Variants in PSD3 observed in about 807,000 individuals in gnomAD.
The protein encoded by PSD3 is PH and SEC7 domain-containing protein 3.
A neutral mutation model predicts 105.5 loss-of-function variants in PSD3; 49 were observed. That is an observed-to-expected ratio of 0.46 (90% CI 0.37 to 0.59). The LOEUF is 0.59. Ranked by LOEUF, PSD3 falls within the 20% of genes least tolerant of loss-of-function variation. The pLI is 0.00. For missense variants in PSD3, 1,561 were observed against 1,263.8 expected, an observed-to-expected ratio of 1.24 and a Z score of -3.57; for synonymous variants, 557 against 457.8, an observed-to-expected ratio of 1.22 and a Z score of -2.77.
intron 1 of PSD3, among the ~76,000 whole-genome samples, chr8:18,940,665 C>G (rs1822476508): frequency 6.6e-6 from 1 of 152,198 alleles, no homozygotes; most frequent in Admixed American, 6.5e-5. Flanking sequence ...GGGAATGCCT[C>G]TGAGATTTCC....
At chr8:18,865,205 C>G (rs1185977004) in intron 4 of PSD3, 3 of 117,174 alleles carry the variant, frequency 2.6e-5, no homozygotes, top group Middle Eastern at 6.0e-3. Context: ...TCCCACCAAA[C>G]TGGAATACAG....
At chr8:18,824,730 C>G (rs1027780307) in intron 4 of PSD3, among the ~76,000 whole-genome samples, 4 of 152,050 alleles carry the variant, frequency 2.6e-5, no homozygotes, top group Non-Finnish European at 5.9e-5. Context: ...TGAATAAGAA[C>G]AGAGATCAAG....
intron 12 of PSD3, among the ~76,000 whole-genome samples, chr8:18,585,665 A>G (rs1803126856): frequency 6.6e-6 from 1 of 152,176 alleles, no homozygotes; most frequent in Non-Finnish European, 1.5e-5. Context: ...TCAAGAAAGG[A>G]CTAAAAGAAA....
At chr8:18,941,513 A>G (rs548902194) in intron 1 of PSD3, among the ~76,000 whole-genome samples, 4 of 152,292 alleles carry the variant, frequency 2.6e-5, no homozygotes, top group African/African-American at 9.6e-5. Flanking sequence ...CAAGCCCACC[A>G]TTAAATGGAT....
intron 1 of PSD3, among the ~76,000 whole-genome samples, chr8:18,978,499 G>T (rs914194623): frequency 6.6e-6 from 1 of 152,128 alleles, no homozygotes; most frequent in Non-Finnish European, 1.5e-5. Flanking sequence ...TCTAAAACAT[G>T]CACCTTTCAA....
intron 9 of PSD3, among the ~76,000 whole-genome samples, chr8:18,751,272 G>A (rs1805468151): frequency 6.6e-6 from 1 of 152,224 alleles, no homozygotes; most frequent in Non-Finnish European, 1.5e-5. Flanking sequence ...ACCCTCCGCA[G>A]CCGCTGGCCC....
rs747164950 is a variant in PSD3 at position 18,575,160 on chromosome 8, A to G, written c.2607T>C (p.Thr869=). Reference sequence around the variant, plus strand: ...GAAAAAGCAAGACCCTCCAGTCGGCAGTTTTAAGTTTAAACACGTTTGGTT... The same window carrying G: ...GAAAAAGCAAGACCCTCCAGTCGGCGGTTTTAAGTTTAAACACGTTTGGTT... ...EKKPNVFKLK[T]ADWRVLLFQT... Residue 869 remains threonine, a synonymous_variant, in exon 13 of 16, where the codon ACT becomes ACC. Coordinates refer to ENST00000327040, the MANE Select transcript of PSD3 (RefSeq NM_015310.4). The G allele has an allele frequency of 6.2e-7, 1 of 1,613,606 alleles. No homozygotes were observed. Among genetic ancestry groups the G allele is most frequent in the Non-Finnish European group, 8.5e-7 (1 of 1,179,804 alleles).
chr8:18,786,366 G>A (rs1266883932), intron 8 of PSD3, among the ~76,000 whole-genome samples: 1 of 152,168 alleles, frequency 6.6e-6, no homozygotes, highest in Non-Finnish European at 1.5e-5. Context: ...CATCATTTAA[G>A]TAATAATTGT....
chr8:18,911,105 C>T (rs558194108), intron 2 of PSD3, among the ~76,000 whole-genome samples: 1 of 152,140 alleles, frequency 6.6e-6, no homozygotes, highest in African/African-American at 2.4e-5. Flanking sequence ...GAGGCCATGT[C>T]AATCAATCAG....
chr8:18,783,771 G>A (rs1288318394), intron 8 of PSD3, among the ~76,000 whole-genome samples: 2 of 152,126 alleles, frequency 1.3e-5, no homozygotes, highest in Non-Finnish European at 1.5e-5. Flanking sequence ...TAACTGGGAT[G>A]ATAGGTGCAT....
At chr8:18,591,611 G>C (rs557741959) in intron 12 of PSD3, among the ~76,000 whole-genome samples, 1 of 152,172 alleles carries the variant, frequency 6.6e-6, no homozygotes, top group Non-Finnish European at 1.5e-5. Flanking sequence ...ACTTAGAACA[G>C]AGTAGAGAGA....
intron 2 of PSD3, among the ~76,000 whole-genome samples, chr8:18,915,314 C>T (rs923539499): frequency 1.5e-4 from 23 of 152,050 alleles, no homozygotes. Flanking sequence ...ACACCAAAAA[C>T]ACAGGCAATG....
At chr8:19,037,860 T>G (rs956256861) in intron 1 of PSD3, among the ~76,000 whole-genome samples, 1 of 151,698 alleles carries the variant, frequency 6.6e-6, no homozygotes, top group Non-Finnish European at 1.5e-5. Context: ...GCCTCCATAA[T>G]CACATAAGAC....
chr8:18,840,999 G>A (rs927752684), intron 4 of PSD3, among the ~76,000 whole-genome samples: 1 of 152,110 alleles, frequency 6.6e-6, no homozygotes, highest in African/African-American at 2.4e-5. Context: ...TACTACACTT[G>A]GTAAGGTTAT....
At chr8:18,712,128 T>A (rs956736018) in intron 9 of PSD3, among the ~76,000 whole-genome samples, 2 of 152,124 alleles carry the variant, frequency 1.3e-5, no homozygotes, top group African/African-American at 2.4e-5. Context: ...TAAAGCAATG[T>A]TAAGAGGGAC....
intron 2 of PSD3, among the ~76,000 whole-genome samples, chr8:18,884,789 C>G (rs186400240): frequency 1.9e-4 from 29 of 152,304 alleles, no homozygotes; most frequent in African/African-American, 7.0e-4. Context: ...ATTCAGAACC[C>G]AATTTTTCTT....
At chr8:18,789,844 G>T (rs1440155386) in intron 8 of PSD3, among the ~76,000 whole-genome samples, 4 of 152,160 alleles carry the variant, frequency 2.6e-5, no homozygotes, top group African/African-American at 9.7e-5. Context: ...AAGAAAGAGC[G>T]AAACTGACTT....
chr8:18,953,979 G>C (rs1474404148), intron 1 of PSD3, among the ~76,000 whole-genome samples: 1 of 152,054 alleles, frequency 6.6e-6, no homozygotes, highest in Admixed American at 6.6e-5. Context: ...CTGCAGGGTT[G>C]ATACTCAAGA....
intron 1 of PSD3, among the ~76,000 whole-genome samples, chr8:18,980,802 C>G (rs186261386): frequency 2.0e-5 from 3 of 152,120 alleles, no homozygotes; most frequent in South Asian, 2.1e-4. Flanking sequence ...CTTAAAACAC[C>G]TGAATACTAT....
Sources: gnomAD v4.1 joint callset for allele counts (sites outside exome capture counted in the v4.1 genomes callset) on GRCh38, gnomAD v4.1.1 for gene constraint, MANE v1.5 for transcripts, NCBI Gene and HGNC (gene_info 2026-07-23, HGNC 2026-07-21) for gene names.